The following CYP4F22 variants were observed in gnomAD, a reference collection of about 807,000 sequenced individuals.
CYP4F22 encodes the protein ultra-long-chain fatty acid omega-hydroxylase.
In CYP4F22, 37 loss-of-function variants were observed where a neutral mutation model predicts 60.4. The ratio of observed to expected loss-of-function variants is 0.61; its 90% CI spans 0.47 to 0.81. The LOEUF is 0.81. CYP4F22 is among the 30% of genes least tolerant of loss of function. The pLI, the probability that CYP4F22 is intolerant of heterozygous loss-of-function variation, is 0.00. For missense variants in CYP4F22, 655 were observed against 715.0 expected, an observed-to-expected ratio of 0.92 and a Z score of 0.96; for synonymous variants, 258 against 280.5, an observed-to-expected ratio of 0.92 and a Z score of 0.80.
At chr19:15,525,828 A>G (rs936552801) in intron 3 of CYP4F22, among the ~76,000 whole-genome samples, 1 of 151,830 alleles carries the variant, frequency 6.6e-6, no homozygotes, top group African/African-American at 2.4e-5. Flanking sequence ...GGAGTTTGAG[A>G]CCAGCTTGGG....
At position 15,544,031 on chromosome 19, in the gene CYP4F22, T is replaced by G; in HGVS notation, c.1000T>G (p.Phe334Val). The change falls in exon 9 of 14, where the codon TTT becomes GTT. Residue 334 changes from phenylalanine to valine, a missense_variant. Physicochemically the swap from Phe to Val is conservative, Grantham distance 50. Coordinates refer to ENST00000269703, the MANE Select transcript of CYP4F22 (RefSeq NM_173483.4). ...DIRAEADTFM[F>V]EGHDTTSSGI... ...CCGAGCCGAAGCAGACACCTTCATG[T>G]TTGAGGGTGAGGATGTGGGGTGAGG... is the stretch of plus-strand genomic sequence containing the variant. 1 of 1,613,830 alleles carries G rather than the reference T, an allele frequency of 6.2e-7. No individual in the cohort carries two copies. Among genetic ancestry groups the G allele is most frequent in the Non-Finnish European group, 8.5e-7 (1 of 1,179,942 alleles).
chr19:15,526,403 A>G (rs1247538653), intron 3 of CYP4F22, among the ~76,000 whole-genome samples: 1 of 152,188 alleles, frequency 6.6e-6, no homozygotes, highest in Non-Finnish European at 1.5e-5. Context: ...TATGTTGCCT[A>G]GGCTGATCTT....
intron 4 of CYP4F22, among the ~76,000 whole-genome samples, chr19:15,530,146 A>C (rs2144518878): frequency 6.6e-6 from 1 of 152,192 alleles, no homozygotes; most frequent in East Asian, 1.9e-4. Context: ...AGTAAGTGTT[A>C]CTCAATCCCT....
chr19:15,533,591 C>CTTTTTTTTTTTT (rs34585637), intron 4 of CYP4F22, among the ~76,000 whole-genome samples: 1 of 91,434 alleles, frequency 1.1e-5, no homozygotes, highest in African/African-American at 4.5e-5. Context: ...CAGTTTCATT[C>CTTTTTTTTTTTT]TTTTTTTTTT....
chr19:15,529,674 G>A (rs949498417), intron 3 of CYP4F22, 35 bp from the exon 4 acceptor site: 1 of 1,613,236 alleles, frequency 6.2e-7, no homozygotes, highest in African/African-American at 1.3e-5. Flanking sequence ...CTGGGGCTGG[G>A]TACCTCCTCA....
At position 15,545,648 on chromosome 19, in the gene CYP4F22, CAAA is replaced by C. The variant is rs1217096575; in HGVS notation, c.1136+1390_1136+1392del. On this transcript the variant is annotated intron_variant, in intron 10 of 13. Transcript: ENST00000269703. ...TGGGTGACAGAGTGAGACCCTGTCT[CAAA>C]AAAAAAAAAAAAAAAAAAAAGAAAA... is the stretch of plus-strand genomic sequence containing the variant. Among the ~76,000 whole-genome samples, 210 of 38,936 alleles carry C rather than the reference CAAA, an allele frequency of 5.4e-3. 2 individuals are homozygous for C. Among genetic ancestry groups the C allele is most frequent in the African/African-American group, 0.021 (195 of 9,340 alleles). 25.5% of individuals were successfully genotyped at this position (38,936 alleles called of 152,430 possible).
intron 1 of CYP4F22, among the ~76,000 whole-genome samples, chr19:15,510,652 T>A (rs1267692234): frequency 2.0e-5 from 3 of 152,126 alleles, no homozygotes. Flanking sequence ...TCTGCCAGGA[T>A]CCCCTTTGGG....
At chr19:15,512,339 T>A (rs1030639203) in intron 1 of CYP4F22, among the ~76,000 whole-genome samples, 2 of 152,128 alleles carry the variant, frequency 1.3e-5, no homozygotes, top group Non-Finnish European at 2.9e-5. Flanking sequence ...ATTAAATTAA[T>A]TTTAGTTTTT....
At chr19:15,537,290 G>C in intron 4 of CYP4F22, 71 bp from the exon 5 acceptor site, 1 of 1,585,294 alleles carries the variant, frequency 6.3e-7, no homozygotes, top group Non-Finnish European at 8.6e-7. Flanking sequence ...GACAGAGCAA[G>C]ACTCCGTAAA....
chr19:15,530,159 C>A (rs1971327142), intron 4 of CYP4F22, among the ~76,000 whole-genome samples: 1 of 152,178 alleles, frequency 6.6e-6, no homozygotes, highest in Non-Finnish European at 1.5e-5. Flanking sequence ...CAATCCCTGG[C>A]CGTGGCACGC....
intron 1 of CYP4F22, chr19:15,515,219 C>T (rs1168671239): frequency 4.8e-6 from 3 of 619,730 alleles, no homozygotes; most frequent in Non-Finnish European, 9.2e-6. Flanking sequence ...CTGCTGCCCA[C>T]ATCCTTTACC....
At chr19:15,516,548 G>A in intron 1 of CYP4F22, 1 of 245,084 alleles carries the variant, frequency 4.1e-6, no homozygotes, top group South Asian at 6.1e-5. Context: ...CCTTTATGCA[G>A]AAAGTAAAAT....
intron 12 of CYP4F22, 59 bp downstream of exon 12, chr19:15,549,261 G>A: frequency 6.3e-7 from 1 of 1,585,142 alleles, no homozygotes. Context: ...GCGCCCCAGG[G>A]AGCCAGCGAG....
In CYP4F22 at chr19:15,540,628, C is replaced by T. The variant is rs199782025; in HGVS notation, c.850C>T (p.Arg284Trp). 1.2e-4 allele frequency: 190 copies of T among 1,614,228 alleles called. 2 individuals carry two copies. In the East Asian group the frequency reaches 3.0e-3, roughly 26 times the overall value. ...FTTEVIQERR[R>W]ALRQQGAEAW... is the part of the protein sequence containing the mutation. ...CACTGAAGTCATCCAGGAACGGCGG[C>T]GGGCACTGCGTCAGCAGGGGGCCGA... Residue 284 changes from arginine (R) to tryptophan (W), a missense_variant, in exon 8 of 14, where the codon CGG becomes TGG. Coordinates refer to ENST00000269703, the MANE Select transcript of CYP4F22 (RefSeq NM_173483.4).
chr19:15,510,536 TC>T (rs1322568128), intron 1 of CYP4F22, among the ~76,000 whole-genome samples: 1 of 152,094 alleles, frequency 6.6e-6, no homozygotes, highest in African/African-American at 2.4e-5. Flanking sequence ...CTTTATAGAA[TC>T]TTTTCTGAGG....
chr19:15,509,323 C>T (rs1205394940), intron 1 of CYP4F22, among the ~76,000 whole-genome samples: 2 of 152,148 alleles, frequency 1.3e-5, no homozygotes, highest in Non-Finnish European at 2.9e-5. Flanking sequence ...GGCCTAGGCT[C>T]AGGGCATCTC....
rs140285801 is a variant in CYP4F22 at position 15,527,628 on chromosome 19, C to T, written c.222+2070C>T. ...TTGTCCTGCCCAGCTCCTGGGCCCA[C>T]GGGGGCTGGGTGAGGCTGCAATTGA... On this transcript the variant is annotated intron_variant, in intron 3 of 13. Transcript: ENST00000269703. 6.9e-3 allele frequency among the ~76,000 whole-genome samples: 1,051 copies of T among 152,278 alleles called. 4 individuals are homozygous for T. The highest frequency in any genetic ancestry group is 0.011 in the Non-Finnish European group (773 of 68,024).
At chr19:15,518,981 C>T (rs1370417971) in intron 1 of CYP4F22, among the ~76,000 whole-genome samples, 4 of 151,922 alleles carry the variant, frequency 2.6e-5, no homozygotes, top group Non-Finnish European at 5.9e-5. Flanking sequence ...TAGCAGGACC[C>T]GGCAACAGAT....
In CYP4F22 at chr19:15,525,389, C is replaced by T. The variant is rs149247930; in HGVS notation, c.53C>T (p.Ala18Val). The change falls in exon 3 of 14, where the codon GCG becomes GTG. Residue 18 changes from alanine to valine, a missense_variant. Physicochemically the swap from Ala to Val is moderately conservative, Grantham distance 64. Coordinates refer to ENST00000269703, the MANE Select transcript of CYP4F22 (RefSeq NM_173483.4). ...CACCTCCTGGGGCTGGAGAAGACGG[C>T]GTTCCGCATATACGCGGTGTCCACC... is the stretch of plus-strand genomic sequence containing the variant. ...LLHLLGLEKT[A>V]FRIYAVSTLL... is the part of the protein sequence containing the mutation. 1.2e-5 allele frequency: 19 copies of T among 1,613,940 alleles called. No homozygotes were observed. The African/African-American group carries it at 1.2e-4, about 10-fold the overall frequency.
Sources: gnomAD v4.1 joint callset for allele counts (sites outside exome capture counted in the v4.1 genomes callset) on GRCh38, gnomAD v4.1.1 for gene constraint, MANE v1.5 for transcripts, NCBI Gene and HGNC (gene_info 2026-07-23, HGNC 2026-07-21) for gene names.